The following GRM8 variants were observed in gnomAD, a reference collection of about 807,000 sequenced individuals.
GRM8 encodes the protein metabotropic glutamate receptor 8.
In GRM8, 47 loss-of-function variants were observed where a neutral mutation model predicts 87.2. That is an observed-to-expected ratio of 0.54 (90% confidence interval 0.43 to 0.69). GRM8 has a LOEUF of 0.69. GRM8 is among the 30% of genes least tolerant of loss of function. The pLI, the probability that GRM8 is intolerant of heterozygous loss-of-function variation, is 0.00. For missense variants in GRM8, 1,019 were observed against 1,139.2 expected (o/e 0.89, Z 1.52); for synonymous variants, 396 against 404.5 (o/e 0.98, Z 0.25).
At chr7:127,221,192 T>A (rs534580710) in intron 2 of GRM8, among the ~76,000 whole-genome samples, 1 of 152,290 alleles carries the variant, frequency 6.6e-6, no homozygotes, top group South Asian at 2.1e-4. Flanking sequence ...CCTATGCCAA[T>A]CTTGTCATTT....
chr7:126,791,739 A>C (rs1359736252), intron 6 of GRM8, among the ~76,000 whole-genome samples: 1 of 152,228 alleles, frequency 6.6e-6, no homozygotes, highest in Non-Finnish European at 1.5e-5. Context: ...AGAACCATAG[A>C]GGTGGTTAAC....
At chr7:126,869,351 A>T (rs1445164005) in intron 6 of GRM8, 3 of 152,182 alleles carry the variant, frequency 2.0e-5, no homozygotes, top group African/African-American at 7.2e-5. Context: ...TCCTCCCATG[A>T]TATATTGACT....
At chr7:126,941,179 C>T (rs1440865135) in intron 3 of GRM8, among the ~76,000 whole-genome samples, 2 of 152,062 alleles carry the variant, frequency 1.3e-5, no homozygotes, top group Non-Finnish European at 2.9e-5. Flanking sequence ...AAACACTGGG[C>T]CAAAGGACAT....
At chr7:126,504,472 G>A (rs565823765) in intron 9 of GRM8, among the ~76,000 whole-genome samples, 5 of 152,006 alleles carry the variant, frequency 3.3e-5, no homozygotes, top group Non-Finnish European at 7.4e-5. Context: ...GTGTACTGAT[G>A]ACTTTGCTGA....
chr7:126,556,442 T>G (rs1289130461), intron 8 of GRM8, among the ~76,000 whole-genome samples: 1 of 147,258 alleles, frequency 6.8e-6, no homozygotes, highest in Admixed American at 6.8e-5. Context: ...AGGTCAGGAG[T>G]TCAAGACCAG....
chr7:126,573,864 G>A (rs1418092025), intron 8 of GRM8, among the ~76,000 whole-genome samples: 3 of 152,158 alleles, frequency 2.0e-5, no homozygotes, highest in South Asian at 2.1e-4. Context: ...TGGGATTACA[G>A]GCATGAGCCA....
chr7:126,937,185 G>A (rs1806426054), intron 3 of GRM8, among the ~76,000 whole-genome samples: 1 of 152,156 alleles, frequency 6.6e-6, no homozygotes, highest in South Asian at 2.1e-4. Flanking sequence ...CATTCAGGTA[G>A]GGCAGGCCTG....
intron 3 of GRM8, among the ~76,000 whole-genome samples, chr7:126,959,360 T>C (rs1586598671): frequency 6.6e-6 from 1 of 152,096 alleles, no homozygotes; most frequent in Non-Finnish European, 1.5e-5. Flanking sequence ...AAGAGAGGGA[T>C]AGAGGAGTGT....
chr7:126,912,854 T>C (rs1365840914), intron 3 of GRM8, among the ~76,000 whole-genome samples: 2 of 152,218 alleles, frequency 1.3e-5, no homozygotes, highest in African/African-American at 4.8e-5. Context: ...ATTAATAGAA[T>C]GTTATTATTT....
intron 6 of GRM8, among the ~76,000 whole-genome samples, chr7:126,777,546 T>A (rs1363719773): frequency 1.3e-5 from 2 of 152,140 alleles, no homozygotes; most frequent in Admixed American, 1.3e-4. Context: ...AGACCAATGA[T>A]TAGCTTGTCT....
intron 6 of GRM8, among the ~76,000 whole-genome samples, chr7:126,901,689 G>A (rs1301239285): frequency 1.3e-5 from 2 of 152,224 alleles, no homozygotes; most frequent in African/African-American, 2.4e-5. Flanking sequence ...CAGGGTAGAA[G>A]AAGGAATGAA....
At chr7:126,658,451 A>G (rs891060051) in intron 7 of GRM8, among the ~76,000 whole-genome samples, 8 of 152,138 alleles carry the variant, frequency 5.3e-5, no homozygotes, top group Admixed American at 1.3e-4. Flanking sequence ...ATAGGATCTA[A>G]AACTGGCAGT....
chr7:127,060,513 A>C (rs971152779), intron 3 of GRM8, among the ~76,000 whole-genome samples: 4 of 152,152 alleles, frequency 2.6e-5, no homozygotes, highest in Non-Finnish European at 2.9e-5. Flanking sequence ...GAAACAAGAT[A>C]CAATATGAAA....
intron 8 of GRM8, among the ~76,000 whole-genome samples, chr7:126,558,309 T>C (rs1048927263): frequency 8.5e-5 from 13 of 152,174 alleles, no homozygotes; most frequent in Non-Finnish European, 1.5e-4. Flanking sequence ...CCTATTGATA[T>C]CATAATTGTA....
chr7:126,614,866 G>C (rs1799291788), intron 7 of GRM8, among the ~76,000 whole-genome samples: 1 of 152,142 alleles, frequency 6.6e-6, no homozygotes, highest in Admixed American at 6.5e-5. Context: ...AAGAAATACG[G>C]GACTATGTGA....
In GRM8 at chr7:126,487,698, C is replaced by G. The variant is rs543640188; in HGVS notation, c.2431-41326G>C. 6.4e-4 allele frequency among the ~76,000 whole-genome samples: 98 copies of G among 152,090 alleles called. 3 individuals carry two copies. The South Asian group carries it at 0.02, about 32-fold the overall frequency. On this transcript the variant is annotated intron_variant, in intron 9 of 10. Coordinates refer to ENST00000339582, the MANE Select transcript of GRM8 (RefSeq NM_000845.3). ...GGTAAACATTCGTACACTGAGCTGACAGATTTTACTATAGAATATAAAAAA... is the reference window on the plus strand; with the variant it reads ...GGTAAACATTCGTACACTGAGCTGAGAGATTTTACTATAGAATATAAAAAA...
intron 7 of GRM8, chr7:126,701,726 T>C (rs891047778): frequency 1.3e-6 from 1 of 773,044 alleles, no homozygotes; most frequent in Non-Finnish European, 2.0e-6. Flanking sequence ...TATAAAACTA[T>C]TGTTATAGTC....
At position 126,768,357 on chromosome 7, in the gene GRM8, TAAAAAAAAAA is replaced by T. The variant is rs57868820; in HGVS notation, c.1357+1498_1357+1507del. On this transcript the variant is annotated intron_variant, in intron 7 of 10. Coordinates refer to ENST00000339582, the MANE Select transcript of GRM8 (RefSeq NM_000845.3). ...CAGCAGCAGCAACACTTTGATAATG[TAAAAAAAAAA>T]AAAAAAAAAAAAAAGTGGACAGAAC... Among the ~76,000 whole-genome samples the T allele has an allele frequency of 1.3e-4, 7 of 53,550 alleles. No homozygotes were observed. In the South Asian group the frequency reaches 6.2e-3, roughly 47 times the overall value. 35.1% of individuals were successfully genotyped at this position (53,550 alleles called of 152,430 possible).
intron 6 of GRM8, among the ~76,000 whole-genome samples, chr7:126,772,231 G>A (rs909533759): frequency 5.3e-5 from 8 of 152,048 alleles, no homozygotes; most frequent in Admixed American, 3.9e-4. Context: ...AAGAGCCCCC[G>A]GAAAACCAGG....
Sources: allele counts gnomAD v4.1 joint callset (sites outside exome capture counted in the v4.1 genomes callset), GRCh38; gene constraint gnomAD v4.1.1; transcripts MANE v1.5; gene names NCBI Gene and HGNC (gene_info 2026-07-23, HGNC 2026-07-21).